WSB2: variants seen among roughly 807,000 people sequenced by gnomAD.
The protein encoded by WSB2 is WD repeat and SOCS box-containing protein 2.
In WSB2, 12 loss-of-function variants were observed where a neutral mutation model predicts 48.8. The observed-to-expected ratio is 0.25, with a 90% CI of 0.16 to 0.40. The LOEUF is 0.40. Among genes scored for constraint, WSB2 ranks in the 10% least tolerant of loss-of-function variants. The probability of loss-of-function intolerance (pLI) is 1.00; values close to 1 mark genes in which losing one functional copy is unlikely to be tolerated. For missense variants in WSB2, 317 were observed against 506.2 expected, an observed-to-expected ratio of 0.63 and a Z score of 3.59; for synonymous variants, 191 against 203.1, an observed-to-expected ratio of 0.94 and a Z score of 0.51.
Position 118,032,714 on chromosome 12 carries a change from T to A in WSB2, c.*1482A>T, listed in dbSNP as rs2031389441. The A allele has an allele frequency of 6.6e-6, 1 of 150,696 alleles. No homozygotes were observed. The highest frequency in any genetic ancestry group is 2.5e-5 in the African/African-American group (1 of 40,494). The allele number at this position is 150,696 out of a possible 1,614,324, so 9.3% of individuals were successfully genotyped here. ...TTTTTGGCTATTTATTTATTTATTT[T>A]TTAAATAAAGATTGGGTCTTATCTC... On this transcript the variant is annotated 3_prime_UTR_variant, in exon 9 of 9. Coordinates refer to ENST00000315436, the MANE Select transcript of WSB2 (RefSeq NM_018639.5).
At chr12:118,036,267 C>G in intron 6 of WSB2, 71 bp downstream of exon 6, 3 of 1,514,178 alleles carry the variant, frequency 2.0e-6, no homozygotes, top group Non-Finnish European at 2.7e-6. Flanking sequence ...CTAAAAGAGA[C>G]ATGTCTAATC....
chr12:118,051,845 G>A (rs1396726720), intron 2 of WSB2, among the ~76,000 whole-genome samples: 1 of 152,126 alleles, frequency 6.6e-6, no homozygotes, highest in East Asian at 1.9e-4. Context: ...GTGGTGGTGT[G>A]TGCCTGTAAT....
chr12:118,036,404 G>A lies in WSB2; in HGVS notation c.767C>T (p.Thr256Met), dbSNP rs2031512134. 1 of 1,614,092 alleles carries A rather than the reference G, an allele frequency of 6.2e-7. No homozygotes were observed. Among genetic ancestry groups the A allele is most frequent in the Admixed American group, 1.7e-5 (1 of 60,004 alleles). Residue 256 changes from threonine (T) to methionine (M), a missense_variant, in exon 6 of 9, where the codon ACG becomes ATG. Around this residue, in one of 2 missense-constraint regions of WSB2, gnomAD observed 189 missense variants for 349.6 expected, o/e 0.54. Coordinates refer to ENST00000315436, the MANE Select transcript of WSB2 (RefSeq NM_018639.5). ...DFSPDSALLVTASYDTNVIMW... is the reference protein window; with the variant it reads ...DFSPDSALLVMASYDTNVIMW... ...AATCACATTGGTATCGTAAGAAGCCGTGACAAGCAGGGCAGAGTCGGGGGA... is the reference window on the plus strand; with the variant it reads ...AATCACATTGGTATCGTAAGAAGCCATGACAAGCAGGGCAGAGTCGGGGGA...
chr12:118,044,817 G>A (rs1233453150), intron 2 of WSB2, among the ~76,000 whole-genome samples: 3 of 152,194 alleles, frequency 2.0e-5, no homozygotes, highest in Non-Finnish European at 4.4e-5. Context: ...AGGTCTCCAT[G>A]TGACCCTGAC....
intron 1 of WSB2, among the ~76,000 whole-genome samples, chr12:118,057,648 T>C (rs1030802277): frequency 6.6e-6 from 1 of 152,202 alleles, no homozygotes; most frequent in Non-Finnish European, 1.5e-5. Context: ...ATGTATACAT[T>C]GTGGAATGGC....
At chr12:118,046,780 G>T (rs73410750) in intron 2 of WSB2, among the ~76,000 whole-genome samples, 2,500 of 151,972 alleles carry the variant, frequency 0.016, 68 homozygotes, top group African/African-American at 0.057. Flanking sequence ...ATTTATTTTG[G>T]TTTTTTTTAA....
intron 1 of WSB2, among the ~76,000 whole-genome samples, chr12:118,053,869 A>C (rs1297515762): frequency 6.6e-6 from 1 of 152,182 alleles, no homozygotes; most frequent in Non-Finnish European, 1.5e-5. Flanking sequence ...ATAGATATTC[A>C]TTTTTAAAAC....
At chr12:118,041,253 C>G (rs2031630484) in intron 4 of WSB2, among the ~76,000 whole-genome samples, 2 of 152,002 alleles carry the variant, frequency 1.3e-5, no homozygotes, top group Non-Finnish European at 2.9e-5. Context: ...GAGGGTGAAG[C>G]CTCAGGAATG....
intron 8 of WSB2, 109 bp downstream of exon 8, chr12:118,034,877 A>T: frequency 2.0e-6 from 2 of 1,025,004 alleles, no homozygotes; most frequent in African/African-American, 1.6e-5. Context: ...GAATTGCCTT[A>T]AAGCTTTCCT....
Position 118,034,583 on chromosome 12 carries a change from G to GTCAGAGA in WSB2, c.1053-226_1053-225insTCTCTGA, listed in dbSNP as rs2137758610. 5.6e-6 allele frequency: 3 copies of GTCAGAGA among 537,440 alleles called. No homozygotes were observed. The East Asian group carries it at 9.6e-5, about 17-fold the overall frequency. The allele number at this position is 537,440 out of a possible 1,614,324, so 33.3% of individuals were successfully genotyped here. Reference sequence around the variant, plus strand: ...CCTGTGATACCAAAGCGCTCTCTCTGTCTCTCTCTCGGCACAGCCCTTTCT... The same window carrying GTCAGAGA: ...CCTGTGATACCAAAGCGCTCTCTCTGTCAGAGATCTCTCTCTCGGCACAGCCCTTTCT... On this transcript the variant is annotated intron_variant, in intron 8 of 8. Coordinates refer to ENST00000315436, the MANE Select transcript of WSB2 (RefSeq NM_018639.5).
intron 5 of WSB2, among the ~76,000 whole-genome samples, chr12:118,037,339 G>A (rs1297667880): frequency 6.6e-6 from 1 of 152,164 alleles, no homozygotes; most frequent in Non-Finnish European, 1.5e-5. Context: ...ACCTTTGTGA[G>A]AAGCATTAAG....
intron 2 of WSB2, among the ~76,000 whole-genome samples, chr12:118,047,928 C>CT (rs746539522): frequency 4.6e-5 from 7 of 151,502 alleles, no homozygotes; most frequent in East Asian, 1.9e-4. Context: ...TTACAAACTG[C>CT]TTTTTTTTGT....
chr12:118,038,316 A>C lies in WSB2; in HGVS notation c.632T>G (p.Met211Arg). The change falls in exon 5 of 9, where the codon ATG becomes AGG. Residue 211 changes from methionine (M) to arginine (R), a missense_variant. Transcript: ENST00000315436. ...YCCSISPDCS[M>R]LCSAAGEKSV... ...CTTCTCTCCAGCTGCAGAGCACAGC[A>C]TGCTGCAGTCTGGGGAGATGGAACA... The C allele has an allele frequency of 6.2e-7, 1 of 1,614,178 alleles. No individual in the cohort carries two copies. The highest frequency in any genetic ancestry group is 8.5e-7 in the Non-Finnish European group (1 of 1,180,020).
chr12:118,041,134 A>T (rs2031627942), intron 4 of WSB2, among the ~76,000 whole-genome samples: 1 of 152,216 alleles, frequency 6.6e-6, no homozygotes, highest in Non-Finnish European at 1.5e-5. Flanking sequence ...GCACTGCCTT[A>T]GTTTGTCTGA....
chr12:118,057,334 G>A (rs1452590737), intron 1 of WSB2, among the ~76,000 whole-genome samples: 1 of 151,994 alleles, frequency 6.6e-6, no homozygotes, highest in Non-Finnish European at 1.5e-5. Context: ...GAGTGCAGTG[G>A]CGCCATCTCG....
At chr12:118,043,446 C>T in intron 2 of WSB2, 69 bp from the exon 3 acceptor site, 1 of 1,506,894 alleles carries the variant, frequency 6.6e-7, no homozygotes, top group Non-Finnish European at 8.8e-7. Flanking sequence ...CATCCTGGGA[C>T]ACGTAAGACT....
intron 3 of WSB2, 53 bp downstream of exon 3, chr12:118,043,076 TAGTC>T (rs1327514512): frequency 8.7e-6 from 14 of 1,613,812 alleles, no homozygotes; most frequent in Non-Finnish European, 1.2e-5. Context: ...GGAGGCGACA[TAGTC>T]AGAACATGCA....
intron 6 of WSB2, 94 bp downstream of exon 6, chr12:118,036,244 C>T (rs1423053629): frequency 3.5e-6 from 5 of 1,418,226 alleles, no homozygotes; most frequent in Non-Finnish European, 4.8e-6. Context: ...TGTCCCCTCC[C>T]ATGTCCCAGA....
chr12:118,057,819 A>C (rs1369274158), intron 1 of WSB2, among the ~76,000 whole-genome samples: 1 of 150,808 alleles, frequency 6.6e-6, no homozygotes, highest in Admixed American at 6.6e-5. Flanking sequence ...CAGTGGCTGA[A>C]TCACAGCTCA....
Sources: gnomAD v4.1 joint callset for allele counts (sites outside exome capture counted in the v4.1 genomes callset) on GRCh38, gnomAD v4.1.1 for gene constraint, gnomAD v4.1.1 regional missense constraint, MANE v1.5 for transcripts, NCBI Gene and HGNC (gene_info 2026-07-23, HGNC 2026-07-21) for gene names.